POPDC3: variants seen among roughly 807,000 people sequenced by gnomAD.
POPDC3 encodes popeye domain-containing protein 3.
A neutral mutation model predicts 28.2 loss-of-function variants in POPDC3; 20 were observed. The observed-to-expected ratio is 0.71, with a 90% CI of 0.50 to 1.03. The LOEUF is 1.03. POPDC3 is among the 50% of genes least tolerant of loss of function. The pLI is 0.00. For missense variants in POPDC3, 316 were observed against 345.9 expected, an observed-to-expected ratio of 0.91 and a Z score of 0.69; for synonymous variants, 118 against 124.1, an observed-to-expected ratio of 0.95 and a Z score of 0.33.
At chr6:105,165,770 T>A (rs1267184980) in intron 1 of POPDC3, among the ~76,000 whole-genome samples, 1 of 152,240 alleles carries the variant, frequency 6.6e-6, no homozygotes, top group East Asian at 1.9e-4. Context: ...GTCAGTGGTA[T>A]TGAGTGAGTT....
intron 1 of POPDC3, among the ~76,000 whole-genome samples, chr6:105,171,670 C>T (rs1774580049): frequency 6.6e-6 from 1 of 150,894 alleles, no homozygotes; most frequent in Non-Finnish European, 1.5e-5. Flanking sequence ...GACTCTGTCT[C>T]AAATAATAAT....
rs376126756 is a variant in POPDC3 at position 105,161,652 on chromosome 6, G to A, written c.258C>T (p.Val86=). The stretch of plus-strand genomic sequence containing the variant: ...TATGAACAAATTGCATGAAGCAGAT[G>A]ACAAACAGTACAAAATTCCAGGAAA... ...DIFSWNFVLF[V]ICFMQFVHIA... Residue 86 remains valine, a synonymous_variant, in exon 2 of 4, where the codon GTC becomes GTT. Transcript: ENST00000254765. 6.2e-7 allele frequency: 1 copy of A among 1,614,162 alleles called. No individual in the cohort carries two copies. Among genetic ancestry groups the A allele is most frequent in the Non-Finnish European group, 8.5e-7 (1 of 1,180,036 alleles).
intron 2 of POPDC3, 153 bp from the exon 3 acceptor site, chr6:105,159,972 A>G (rs548983614): frequency 1.3e-4 from 72 of 546,636 alleles, no homozygotes; most frequent in Non-Finnish European, 2.2e-4. Flanking sequence ...ATACATTATA[A>G]TAAGTGACAT....
intron 2 of POPDC3, among the ~76,000 whole-genome samples, chr6:105,161,140 C>T (rs1774317434): frequency 6.6e-6 from 1 of 152,192 alleles, no homozygotes. Context: ...TCTCGACTTT[C>T]AGTAATTAGG....
At position 105,178,106 on chromosome 6, in the gene POPDC3, C is replaced by T. The variant is rs1774713789; in HGVS notation, c.-252+1727G>A. On this transcript the variant is annotated intron_variant, in intron 1 of 3. Transcript: ENST00000254765. The stretch of plus-strand genomic sequence containing the variant: ...ATTCTCTCGAGGGAGCTCATAATCC[C>T]AACTGACCAATGACCATAATTACAA... Among the ~76,000 whole-genome samples the T allele has an allele frequency of 3.3e-5, 5 of 152,214 alleles. 1 individual carries two copies. The South Asian group carries it at 1.0e-3, about 31-fold the overall frequency.
intron 2 of POPDC3, 79 bp downstream of exon 2, chr6:105,161,346 T>G: frequency 3.3e-6 from 5 of 1,509,328 alleles, no homozygotes; most frequent in African/African-American, 1.4e-5. Context: ...TATGTGATAC[T>G]GAGATGGAAA....
At chr6:105,159,109 T>G (rs2114522680) in intron 3 of POPDC3, 1 of 182,896 alleles carries the variant, frequency 5.5e-6, no homozygotes, top group East Asian at 1.4e-4. Flanking sequence ...CATTTAACCC[T>G]AATGCAGTTT....
At chr6:105,159,065 G>A (rs1562150279) in intron 3 of POPDC3, 1 of 226,724 alleles carries the variant, frequency 4.4e-6, no homozygotes, top group Non-Finnish European at 8.5e-6. Flanking sequence ...TGATGTTACA[G>A]AAATATTTCC....
Position 105,158,418 on chromosome 6 carries a change from G to T in POPDC3, c.*52C>A. On this transcript the variant is annotated 3_prime_UTR_variant, in exon 4 of 4. Coordinates refer to ENST00000254765, the MANE Select transcript of POPDC3 (RefSeq NM_022361.5). ...TTTTGTATTTTGCTATTTCACTGGG[G>T]AATGATGAAGAGAGAGTCTTTTTTT... 7.0e-7 allele frequency: 1 copy of T among 1,435,918 alleles called. No homozygotes were observed. Among genetic ancestry groups the T allele is most frequent in the Non-Finnish European group, 9.4e-7 (1 of 1,067,668 alleles). The allele number at this position is 1,435,918 out of a possible 1,614,324, so 88.9% of individuals were successfully genotyped here.
At chr6:105,179,164 C>G (rs1036484371) in intron 1 of POPDC3, 2 of 985,298 alleles carry the variant, frequency 2.0e-6, no homozygotes, top group Non-Finnish European at 1.2e-6. Flanking sequence ...ACCACTGTAA[C>G]CGACATGGTG....
At chr6:105,173,313 G>T (rs1774617526) in intron 1 of POPDC3, among the ~76,000 whole-genome samples, 1 of 152,154 alleles carries the variant, frequency 6.6e-6, no homozygotes, top group Non-Finnish European at 1.5e-5. Flanking sequence ...TTTTTCTCAT[G>T]GAGGTTAAAT....
rs1774343755 is a variant in POPDC3, at chr6:105,161,917, T to G, written c.-8A>C. 3 of 1,578,698 alleles carry G rather than the reference T, an allele frequency of 1.9e-6. No individual in the cohort carries two copies. The highest frequency in any genetic ancestry group is 2.6e-6 in the Non-Finnish European group (3 of 1,165,194). The stretch of plus-strand genomic sequence containing the variant: ...ACTTGAATTTCTTTCCATGGCTGTA[T>G]TACTGCCTGCTTCACTTTTCAGTTG... On this transcript the variant is annotated 5_prime_UTR_variant, in exon 2 of 4. Transcript: ENST00000254765.
chr6:105,178,563 GACACACACACACACACACACACACAC>G (rs56060844), intron 1 of POPDC3: 60 of 153,060 alleles, frequency 3.9e-4, no homozygotes, highest in Non-Finnish European at 7.4e-4. Context: ...AACTCCTGAA[GACACACACACACACACACACACACAC>G]ACACACACAC....
intron 1 of POPDC3, among the ~76,000 whole-genome samples, chr6:105,172,892 G>A (rs534865582): frequency 8.5e-6 from 1 of 118,022 alleles, no homozygotes; most frequent in African/African-American, 3.2e-5. Flanking sequence ...GTTGTGGGGT[G>A]GGGGGAGGGG....
chr6:105,169,457 T>C (rs991082091), intron 1 of POPDC3: 1 of 152,208 alleles, frequency 6.6e-6, no homozygotes, highest in African/African-American at 2.4e-5. Context: ...GACATTGATA[T>C]ACCAATCTCC....
At chr6:105,167,916 A>G (rs1287818871) in intron 1 of POPDC3, among the ~76,000 whole-genome samples, 1 of 152,196 alleles carries the variant, frequency 6.6e-6, no homozygotes, top group Non-Finnish European at 1.5e-5. Flanking sequence ...TTATATTTCT[A>G]TTGGACAGTG....
intron 1 of POPDC3, among the ~76,000 whole-genome samples, chr6:105,174,282 G>A (rs887468405): frequency 5.3e-5 from 8 of 152,106 alleles, no homozygotes; most frequent in Admixed American, 6.5e-5. Context: ...CAAGTGATCC[G>A]CCCGCCTTGA....
intron 1 of POPDC3, among the ~76,000 whole-genome samples, chr6:105,175,780 T>G (rs1009988703): frequency 1.3e-5 from 2 of 152,104 alleles, no homozygotes; most frequent in Non-Finnish European, 1.5e-5. Context: ...AGGCGGAGGT[T>G]GCAGTGAGCT....
chr6:105,158,547 G>C lies in POPDC3; in HGVS notation c.799C>G (p.Gln267Glu), dbSNP rs2114521577. The C allele has an allele frequency of 6.2e-7, 1 of 1,614,002 alleles. No homozygotes were observed. Among genetic ancestry groups the C allele is most frequent in the East Asian group, 2.2e-5 (1 of 44,870 alleles). The change falls in exon 4 of 4, where the codon CAA (glutamine) becomes GAA (glutamate). Residue 267 changes from glutamine (Q) to glutamate (E), a missense_variant. Transcript: ENST00000254765. The stretch of plus-strand genomic sequence containing the variant: ...CTGCGTATTTCTGGAGTTGACATTT[G>C]ATAGAAGTTGGGTAGCCGAATATCA... The part of the protein sequence containing the change: ...HYDIRLPNFY[Q>E]MSTPEIRRSP...
Sources: gnomAD v4.1 joint callset for allele counts (sites outside exome capture counted in the v4.1 genomes callset) on GRCh38, gnomAD v4.1.1 for gene constraint, MANE v1.5 for transcripts, NCBI Gene and HGNC (gene_info 2026-07-23, HGNC 2026-07-21) for gene names.